ATXN1: variants seen among roughly 807,000 people sequenced by gnomAD.
The protein encoded by ATXN1 is ataxin 1.
A neutral mutation model predicts 56.4 loss-of-function variants in ATXN1; 8 were observed. The ratio of observed to expected loss-of-function variants is 0.14; its 90% CI spans 0.08 to 0.26. The LOEUF is 0.26. ATXN1 is among the 10% of genes least tolerant of loss of function. The pLI is 1.00. For missense variants in ATXN1, 987 were observed against 1,106.5 expected, an observed-to-expected ratio of 0.89 and a Z score of 1.53; for synonymous variants, 514 against 494.6, an observed-to-expected ratio of 1.04 and a Z score of -0.52.
intron 6 of ATXN1, among the ~76,000 whole-genome samples, chr6:16,430,590 G>C (rs1325624013): frequency 6.6e-6 from 1 of 152,196 alleles, no homozygotes; most frequent in Non-Finnish European, 1.5e-5. Flanking sequence ...GCCAAAGAAA[G>C]CTTTTTCCCC....
intron 6 of ATXN1, among the ~76,000 whole-genome samples, chr6:16,360,763 A>G (rs968023444): frequency 4.6e-5 from 7 of 152,186 alleles, no homozygotes; most frequent in African/African-American, 1.7e-4. Context: ...GTGATCCAGC[A>G]ACTTTAGGTT....
At chr6:16,437,598 A>G (rs1005718140) in intron 6 of ATXN1, among the ~76,000 whole-genome samples, 1 of 152,076 alleles carries the variant, frequency 6.6e-6, no homozygotes, top group South Asian at 2.1e-4. Context: ...AACTGATAAG[A>G]CTCCCTGGAT....
At chr6:16,468,562 C>T (rs1337834148) in intron 6 of ATXN1, among the ~76,000 whole-genome samples, 2 of 152,136 alleles carry the variant, frequency 1.3e-5, no homozygotes, top group Non-Finnish European at 2.9e-5. Flanking sequence ...AGGGAAGCCA[C>T]TGTGGGATGA....
chr6:16,517,586 T>C (rs1296373569), intron 5 of ATXN1, among the ~76,000 whole-genome samples: 1 of 152,194 alleles, frequency 6.6e-6, no homozygotes, highest in Admixed American at 6.5e-5. Flanking sequence ...GATTAACAGG[T>C]TCCCCAGTTC....
At chr6:16,339,788 T>A (rs1761204132) in intron 6 of ATXN1, among the ~76,000 whole-genome samples, 1 of 152,082 alleles carries the variant, frequency 6.6e-6, no homozygotes, top group Non-Finnish European at 1.5e-5. Flanking sequence ...AGTGAAGAAT[T>A]TTTTTTCTTT....
intron 2 of ATXN1, among the ~76,000 whole-genome samples, chr6:16,736,584 T>C (rs1390559381): frequency 2.6e-5 from 4 of 152,246 alleles, no homozygotes; most frequent in Non-Finnish European, 5.9e-5. Flanking sequence ...TATGAGATAC[T>C]GATTACTCAC....
chr6:16,533,549 G>T (rs1279502717), intron 4 of ATXN1, among the ~76,000 whole-genome samples: 3 of 152,136 alleles, frequency 2.0e-5, no homozygotes, highest in South Asian at 4.1e-4. Context: ...TTTGGCAGTG[G>T]ATCAGGAGTA....
chr6:16,403,725 A>G, intron 6 of ATXN1, among the ~76,000 whole-genome samples: 1 of 152,094 alleles, frequency 6.6e-6, no homozygotes, highest in Middle Eastern at 3.2e-3. Flanking sequence ...TCCTCTGACC[A>G]CTTCATCTTC....
At chr6:16,337,090 T>C (rs1581698030) in intron 6 of ATXN1, among the ~76,000 whole-genome samples, 1 of 152,298 alleles carries the variant, frequency 6.6e-6, no homozygotes, top group Non-Finnish European at 1.5e-5. Flanking sequence ...CTGGCTGCCA[T>C]TCTGCTGAAC....
intron 6 of ATXN1, among the ~76,000 whole-genome samples, chr6:16,460,551 C>T (rs1017324124): frequency 2.0e-5 from 3 of 152,196 alleles, no homozygotes; most frequent in Admixed American, 6.6e-5. Flanking sequence ...AGGTACCAGG[C>T]GCTACTCATT....
At chr6:16,331,687 A>G (rs1760997179) in intron 6 of ATXN1, among the ~76,000 whole-genome samples, 1 of 152,268 alleles carries the variant, frequency 6.6e-6, no homozygotes, top group Admixed American at 6.5e-5. Flanking sequence ...GCGGCATAAA[A>G]GTCCTTTCAA....
intron 6 of ATXN1, among the ~76,000 whole-genome samples, chr6:16,346,543 C>T (rs193250245): frequency 1.2e-3 from 188 of 152,354 alleles, no homozygotes; most frequent in Admixed American, 3.4e-3. Flanking sequence ...TTGATAATAT[C>T]GTTCTGACTC....
Position 16,326,808 on chromosome 6 carries a change from C to T in ATXN1, c.1503G>A (p.Ala501=), listed in dbSNP as rs201987168. 186 of 1,608,208 alleles carry T rather than the reference C, an allele frequency of 1.2e-4. 3 individuals carry two copies. Among genetic ancestry groups the T allele is most frequent in the South Asian group, 5.6e-4 (51 of 90,572 alleles). The change falls in exon 7 of 8, where the codon GCG becomes GCA. Residue 501 remains alanine (A), a synonymous_variant. Transcript: ENST00000436367. This position sits in a 1 kb window ranked among gnomAD's most constrained non-coding sequence, Gnocchi z 6.6. ...TGACTATGGCCGGGGCTGCCCCCGA[C>T]GCTTCCATGTCAGTGCTGCCGACCG... The part of the protein sequence containing the change: ...LIPVGSTDME[A]SGAAPAIVTS...
chr6:16,332,908 C>T (rs888604839), intron 6 of ATXN1, among the ~76,000 whole-genome samples: 2 of 152,218 alleles, frequency 1.3e-5, no homozygotes, highest in African/African-American at 2.4e-5. Context: ...CTCTCAGGCC[C>T]CACCCAGTCC....
Position 16,410,794 on chromosome 6 carries a change from C to T in ATXN1, c.-161+75178G>A, listed in dbSNP as rs893276360. 6.6e-6 allele frequency among the ~76,000 whole-genome samples: 1 copy of T among 152,056 alleles called. No homozygotes were observed. Among genetic ancestry groups the T allele is most frequent in the Non-Finnish European group, 1.5e-5 (1 of 68,010 alleles). ...TAAGTCTCCTCTTAGTGTAGCAGTA[C>T]GTATTTTGAATGAGAACGGCCAGTG... is the stretch of plus-strand genomic sequence containing the variant. On this transcript the variant is annotated intron_variant, in intron 6 of 7. Coordinates refer to ENST00000436367, the MANE Select transcript of ATXN1 (RefSeq NM_001128164.2). This position sits in a 1 kb window ranked among gnomAD's most constrained non-coding sequence, Gnocchi z 4.6.
At chr6:16,563,132 T>G (rs1020019208) in intron 4 of ATXN1, among the ~76,000 whole-genome samples, 2 of 152,156 alleles carry the variant, frequency 1.3e-5, no homozygotes, top group Non-Finnish European at 2.9e-5. Context: ...GAAGGATTCA[T>G]GCCTGGATTC....
chr6:16,637,697 C>T (rs1763625198), intron 3 of ATXN1, among the ~76,000 whole-genome samples: 1 of 152,094 alleles, frequency 6.6e-6, no homozygotes, highest in South Asian at 2.1e-4. Context: ...CTTGAATTGG[C>T]ATGGGACAAG....
chr6:16,341,877 A>AT (rs34092584), intron 6 of ATXN1, among the ~76,000 whole-genome samples: 35,273 of 86,852 alleles, frequency 0.41, 9,522 homozygotes, highest in East Asian at 0.75. Context: ...TGTCTCAGTG[A>AT]TTTTTTTTTT....
At chr6:16,502,330 TA>T (rs1335730327) in intron 5 of ATXN1, among the ~76,000 whole-genome samples, 1 of 152,186 alleles carries the variant, frequency 6.6e-6, no homozygotes, top group African/African-American at 2.4e-5. Flanking sequence ...AAGTGCTACT[TA>T]AAAAAATACA....
Sources: gnomAD v4.1 joint callset for allele counts (sites outside exome capture counted in the v4.1 genomes callset) on GRCh38, gnomAD v4.1.1 for gene constraint, Gnocchi (gnomAD v3.1) non-coding constraint, MANE v1.5 for transcripts, NCBI Gene and HGNC (gene_info 2026-07-23, HGNC 2026-07-21) for gene names.